Variants in NEMP1 observed in about 807,000 individuals in gnomAD.
NEMP1 encodes the protein transmembrane protein 194.
A neutral mutation model predicts 53.7 loss-of-function variants in NEMP1; 29 were observed. The observed-to-expected ratio is 0.54, with a 90% CI of 0.40 to 0.74. The LOEUF is 0.74. Ranked by LOEUF, NEMP1 falls within the 30% of genes least tolerant of loss-of-function variation. NEMP1 has a pLI of 0.00. For missense variants in NEMP1, 477 were observed against 528.6 expected (o/e 0.90, Z 0.96); for synonymous variants, 193 against 192.9 (o/e 1.00, Z 0.00).
chr12:57,069,872 A>G (rs2032267789), intron 3 of NEMP1, among the ~76,000 whole-genome samples: 1 of 150,276 alleles, frequency 6.7e-6, no homozygotes, highest in South Asian at 2.1e-4. Flanking sequence ...CACAGCTTTC[A>G]CATTCAAGAG....
In NEMP1 at chr12:57,056,233, G is replaced by T. The variant is rs1488793484; in HGVS notation, c.*3646C>A. 1 of 152,092 alleles carries T rather than the reference G, an allele frequency of 6.6e-6. No individual in the cohort carries two copies. The highest frequency in any genetic ancestry group is 1.9e-4 in the East Asian group (1 of 5,194). The allele number at this position is 152,092 out of a possible 1,614,324, so 9.4% of individuals were successfully genotyped here. ...ATAAGGCACCAACATCCTTTTCAAG[G>T]TAGTAACCATCTAGAATCAACTCAA... On this transcript the variant is annotated 3_prime_UTR_variant, in exon 9 of 9. Coordinates refer to ENST00000300128, the MANE Select transcript of NEMP1 (RefSeq NM_001130963.2).
In NEMP1 at chr12:57,063,283, C is replaced by T; in HGVS notation, c.816G>A (p.Glu272=). The change falls in exon 7 of 9, where the codon GAG becomes GAA. Residue 272 remains glutamate, a synonymous_variant. Coordinates refer to ENST00000300128, the MANE Select transcript of NEMP1 (RefSeq NM_001130963.2). ...FAVCYKYGPL[E]NERSINLLTW... ...TCAGCAGGTTGATACTTCGTTCATT[C>T]TCCAAGGGCCCATACTTGTAACATA... 1 of 1,614,208 alleles carries T rather than the reference C, an allele frequency of 6.2e-7. No homozygotes were observed. The highest frequency in any genetic ancestry group is 8.5e-7 in the Non-Finnish European group (1 of 1,180,036).
Position 57,060,771 on chromosome 12 carries a change from CCT to C in NEMP1, c.1153_1154del (p.Arg385IlefsTer3). On this transcript the variant is annotated frameshift_variant and splice_region_variant, in exon 8 of 9. Transcript: ENST00000300128. LOFTEE classifies it high-confidence loss of function. ...TGCTTGGTATATCTGGCCGAGTTTA[CCT>C]TTTTGGAGACTGGATTCGAGAAACA... is the stretch of plus-strand genomic sequence containing the variant. Reference protein sequence around the residue: ...KTVSRIQSPKRFADFVEGSSH... With the variant: ...KTVSRIQSPKXFADFVEGSSH... The C allele has an allele frequency of 6.2e-7, 1 of 1,610,796 alleles. No homozygotes were observed. Among genetic ancestry groups the C allele is most frequent in the Non-Finnish European group, 8.5e-7 (1 of 1,178,704 alleles).
intron 2 of NEMP1, among the ~76,000 whole-genome samples, 198 bp downstream of exon 2, chr12:57,072,590 T>C (rs191779047): frequency 6.6e-6 from 1 of 152,282 alleles, no homozygotes; most frequent in East Asian, 1.9e-4. Flanking sequence ...CGTAATCTAC[T>C]TGAGGGAGCA....
At chr12:57,073,044 A>G (rs1343264388) in intron 1 of NEMP1, 132 bp from the exon 2 acceptor site, 3 of 704,336 alleles carry the variant, frequency 4.3e-6, no homozygotes, top group Non-Finnish European at 6.4e-6. Context: ...GAAATAAGAA[A>G]AAAAACTGAG....
In NEMP1 at chr12:57,058,981, G is replaced by A. The variant is rs757243177; in HGVS notation, c.*898C>T. 6.6e-6 allele frequency: 1 copy of A among 152,268 alleles called. No homozygotes were observed. Among genetic ancestry groups the A allele is most frequent in the African/African-American group, 2.4e-5 (1 of 41,552 alleles). 9.4% of individuals were successfully genotyped at this position (152,268 alleles called of 1,614,324 possible). Reference sequence around the variant, plus strand: ...CAAGATGACTTCTCCTAGCTAGCAGGAATAATGCTACTCTGAACATACATA... The same window carrying A: ...CAAGATGACTTCTCCTAGCTAGCAGAAATAATGCTACTCTGAACATACATA... On this transcript the variant is annotated 3_prime_UTR_variant, in exon 9 of 9. Transcript: ENST00000300128.
intron 4 of NEMP1, among the ~76,000 whole-genome samples, chr12:57,065,329 G>A (rs1296262685): frequency 2.0e-5 from 3 of 152,152 alleles, no homozygotes; most frequent in Admixed American, 1.3e-4. Flanking sequence ...CCCTTAACAA[G>A]AGGATCACCC....
chr12:57,071,011 TC>T (rs1436019045), intron 2 of NEMP1, 118 bp from the exon 3 acceptor site: 1 of 743,948 alleles, frequency 1.3e-6, no homozygotes, highest in Non-Finnish European at 2.2e-6. Flanking sequence ...GTGCCAGTTT[TC>T]CACAAAGCTT....
intron 7 of NEMP1, among the ~76,000 whole-genome samples, chr12:57,062,639 T>C (rs1438047062): frequency 6.6e-6 from 1 of 151,836 alleles, no homozygotes; most frequent in South Asian, 2.1e-4. Flanking sequence ...ACATTTGAGG[T>C]CAGGAGTTCA....
chr12:57,067,206 C>T (rs2032128670), intron 4 of NEMP1, among the ~76,000 whole-genome samples: 1 of 152,080 alleles, frequency 6.6e-6, no homozygotes, highest in South Asian at 2.1e-4. Context: ...TGCCTGTAGT[C>T]CCAGCTACTC....
chr12:57,086,703 G>A (rs550960323), intron 1 of NEMP1, among the ~76,000 whole-genome samples: 2 of 152,308 alleles, frequency 1.3e-5, no homozygotes, highest in East Asian at 3.9e-4. Flanking sequence ...CAGACATCTC[G>A]GCAGCTCTGG....
chr12:57,061,522 C>T (rs2031801354), intron 7 of NEMP1, among the ~76,000 whole-genome samples: 1 of 150,962 alleles, frequency 6.6e-6, no homozygotes, highest in Admixed American at 6.6e-5. Flanking sequence ...AGAGGAACCC[C>T]ATCTCTACTA....
intron 2 of NEMP1, 93 bp from the exon 3 acceptor site, chr12:57,070,986 A>G: frequency 1.0e-6 from 1 of 987,664 alleles, no homozygotes; most frequent in Non-Finnish European, 1.5e-6. Context: ...CAGACTAACA[A>G]CCAAATCAGT....
At chr12:57,077,664 A>C (rs984122375) in intron 1 of NEMP1, among the ~76,000 whole-genome samples, 1 of 152,226 alleles carries the variant, frequency 6.6e-6, no homozygotes, top group Admixed American at 6.5e-5. Context: ...ATAAAAAATT[A>C]AAAATATGTG....
At position 57,070,746 on chromosome 12, in the gene NEMP1, A is replaced by G. The variant is rs1018852650; in HGVS notation, c.400T>C (p.Tyr134His). ...LNDTYVNVGLYSTKTCLKVEI... is the reference protein window; with the variant it reads ...LNDTYVNVGLHSTKTCLKVEI... ...ACTTTGAGGCAGGTTTTTGTGCTGT[A>G]TAGACCCACGTTAACATAGGTGTCA... The change falls in exon 3 of 9, where the codon TAC (tyrosine) becomes CAC (histidine). Residue 134 changes from tyrosine to histidine, a missense_variant. Coordinates refer to ENST00000300128, the MANE Select transcript of NEMP1 (RefSeq NM_001130963.2). 3.1e-6 allele frequency: 5 copies of G among 1,589,958 alleles called. No individual in the cohort carries two copies. The highest frequency in any genetic ancestry group is 4.3e-6 in the Non-Finnish European group (5 of 1,166,912).
At chr12:57,077,608 C>T (rs575683264) in intron 1 of NEMP1, among the ~76,000 whole-genome samples, 4 of 152,120 alleles carry the variant, frequency 2.6e-5, no homozygotes, top group Non-Finnish European at 5.9e-5. Context: ...CTGGCAGCCT[C>T]CAGGGAAGAG....
chr12:57,061,106 T>C (rs922368039), intron 7 of NEMP1, among the ~76,000 whole-genome samples, 161 bp from the exon 8 acceptor site: 13 of 152,110 alleles, frequency 8.5e-5, no homozygotes, highest in African/African-American at 2.7e-4. Context: ...AATGAACTCC[T>C]GATACATTAG....
chr12:57,078,733 T>C lies in NEMP1; in HGVS notation c.13A>G (p.Met5Val). The C allele has an allele frequency of 1.9e-6, 3 of 1,612,108 alleles. No homozygotes were observed. Among genetic ancestry groups the C allele is most frequent in the Non-Finnish European group, 2.5e-6 (3 of 1,178,768 alleles). The stretch of plus-strand genomic sequence containing the variant: ...ACTGCCGGCGAGACCGCCACTTTCA[T>C]TCCTCCCGCCATGGTTGCCTCAAGC... MAGGMKVAVSPAVGP... is the reference protein window; with the variant it reads MAGGVKVAVSPAVGP... The change falls in exon 1 of 9, where the codon ATG becomes GTG. Residue 5 changes from methionine to valine, a missense_variant. Physicochemically the swap from Met to Val is conservative, Grantham distance 21. Coordinates refer to ENST00000300128, the MANE Select transcript of NEMP1 (RefSeq NM_001130963.2).
upstream of NEMP1, among the ~76,000 whole-genome samples, chr12:57,080,909 A>G (rs2032829092): frequency 6.6e-6 from 1 of 151,762 alleles, no homozygotes; most frequent in Non-Finnish European, 1.5e-5. Context: ...AAAAAAAAAA[A>G]AGTCAAAATG....
Sources: gnomAD v4.1 joint callset for allele counts (sites outside exome capture counted in the v4.1 genomes callset) on GRCh38, gnomAD v4.1.1 for gene constraint, MANE v1.5 for transcripts, NCBI Gene and HGNC (gene_info 2026-07-23, HGNC 2026-07-21) for gene names.